SEC14L4: variants seen among roughly 807,000 people sequenced by gnomAD.
SEC14L4 encodes SEC14 like lipid binding 4, also known as SEC14-like protein 4.
SEC14L4 carries 42 observed loss-of-function variants against 55.1 expected under a neutral mutation model. The observed-to-expected ratio is 0.76, with a 90% confidence interval of 0.60 to 0.99. The LOEUF (loss-of-function observed/expected upper bound fraction) is 0.99, where lower values mean the gene tolerates loss of function less well. SEC14L4 is among the 50% of genes least tolerant of loss of function. SEC14L4 has a pLI of 0.00. For synonymous variants in SEC14L4, 206 were observed against 206.8 expected (o/e 1.00, Z 0.03); for missense variants, 445 against 512.1 (o/e 0.87, Z 1.27).
chr22:30,502,509 G>A (rs940191348), intron 2 of SEC14L4, among the ~76,000 whole-genome samples: 1 of 152,186 alleles, frequency 6.6e-6, no homozygotes, highest in Non-Finnish European at 1.5e-5. Flanking sequence ...TCCATGAGGT[G>A]TAATGAGTTA....
chr22:30,491,364 G>T lies in SEC14L4; in HGVS notation c.1081+209C>A. 4 of 617,060 alleles carry T rather than the reference G, an allele frequency of 6.5e-6. No homozygotes were observed. The South Asian group carries it at 8.1e-5, about 13-fold the overall frequency. The allele number at this position is 617,060 out of a possible 1,614,324, so 38.2% of individuals were successfully genotyped here. A position where few individuals can be genotyped will look rare whatever the true frequency, so the allele number is the denominator to read the frequency against. The stretch of plus-strand genomic sequence containing the variant: ...GGGCTTCTTAGGAGCTGAGCCCAAG[G>T]CCCTAGGTTCTGAATACCAGCTCTT... On this transcript the variant is annotated intron_variant, in intron 11 of 11. Transcript: ENST00000255858.
chr22:30,495,369 A>G lies in SEC14L4; in HGVS notation c.308T>C (p.Ile103Thr), dbSNP rs577477910. 28 of 1,614,072 alleles carry G rather than the reference A, an allele frequency of 1.7e-5. No individual in the cohort carries two copies. The highest frequency in any genetic ancestry group is 5.5e-5 in the South Asian group (5 of 91,070). The part of the protein sequence containing the change: ...YEGCPVYFNI[I>T]GSLDPKGLLL... ...GAGACCCTTGGGGTCGAGGGACCCA[A>G]TGATGTTGAAGTACACAGGGCAGCC... is the stretch of plus-strand genomic sequence containing the variant. Residue 103 changes from isoleucine to threonine, a missense_variant, in exon 5 of 12, where the codon ATT (isoleucine) becomes ACT (threonine). By Grantham distance (89) the Ile-to-Thr change is moderately conservative. Transcript: ENST00000255858.
intron 2 of SEC14L4, among the ~76,000 whole-genome samples, chr22:30,501,159 G>A (rs918455172): frequency 1.3e-5 from 2 of 152,216 alleles, no homozygotes; most frequent in Non-Finnish European, 2.9e-5. Flanking sequence ...AGCCTCAGCA[G>A]TAGCCCTCCC....
chr22:30,492,293 CT>C, intron 8 of SEC14L4, 138 bp from the exon 9 acceptor site: 1 of 1,221,086 alleles, frequency 8.2e-7, no homozygotes. Context: ...TACCCAAGAC[CT>C]TTATGTGGCT....
In SEC14L4 at chr22:30,494,200, A is replaced by C. The variant is rs150573219; in HGVS notation, c.530T>G (p.Ile177Ser). The change falls in exon 7 of 12, where the codon ATC becomes AGC. Residue 177 changes from isoleucine to serine, a missense_variant. By Grantham distance (142) the Ile-to-Ser change is moderately radical. Coordinates refer to ENST00000255858, the MANE Select transcript of SEC14L4 (RefSeq NM_174977.4). The part of the protein sequence containing the change: ...AVEVYQQFFS[I>S]LEANYPETLK... ...GGTCTCAGGATAATTTGCTTCCAGG[A>C]TGCTAAAAAACTGTGGAGTCAAGAT... The C allele has an allele frequency of 1.9e-6, 3 of 1,613,630 alleles. No homozygotes were observed. The highest frequency in any genetic ancestry group is 2.5e-6 in the Non-Finnish European group (3 of 1,179,592).
Position 30,492,471 on chromosome 22 carries a change from C to A in SEC14L4, c.664+3G>T. ...GACACAACCAGGGGGCCACGTCGCT[C>A]ACCTCCCAGAATCACAATCTTCCTG... On this transcript the variant is annotated splice_donor_region_variant and intron_variant, in intron 8 of 11. Coordinates refer to ENST00000255858, the MANE Select transcript of SEC14L4 (RefSeq NM_174977.4). The A allele has an allele frequency of 6.2e-7, 1 of 1,613,106 alleles. No individual in the cohort carries two copies. The highest frequency in any genetic ancestry group is 8.5e-7 in the Non-Finnish European group (1 of 1,179,076).
chr22:30,500,113 G>A (rs992923280), intron 2 of SEC14L4, among the ~76,000 whole-genome samples: 2 of 151,950 alleles, frequency 1.3e-5, no homozygotes, highest in African/African-American at 4.8e-5. Flanking sequence ...CAGGTGATCC[G>A]CCCACCTCGG....
chr22:30,503,008 C>A (rs1482102015), intron 2 of SEC14L4, among the ~76,000 whole-genome samples: 1 of 152,238 alleles, frequency 6.6e-6, no homozygotes, highest in Non-Finnish European at 1.5e-5. Context: ...CCTCGGGGAA[C>A]TGGAGGTACA....
intron 7 of SEC14L4, 56 bp from the exon 8 acceptor site, chr22:30,492,613 G>T: frequency 7.3e-7 from 1 of 1,372,934 alleles, no homozygotes; most frequent in Non-Finnish European, 1.0e-6. Flanking sequence ...TGGGGATACA[G>T]AGCCACAGCC....
chr22:30,504,613 C>T (rs903569854), intron 1 of SEC14L4, among the ~76,000 whole-genome samples: 4 of 152,112 alleles, frequency 2.6e-5, no homozygotes, highest in South Asian at 2.1e-4. Flanking sequence ...ACTCAGCCAG[C>T]GTGGACTGCC....
intron 1 of SEC14L4, among the ~76,000 whole-genome samples, chr22:30,504,374 G>A (rs1410516747): frequency 6.6e-6 from 1 of 152,166 alleles, no homozygotes; most frequent in Non-Finnish European, 1.5e-5. Flanking sequence ...ATTTCTACAA[G>A]GATCCCTGGG....
chr22:30,490,393 G>T, intron 11 of SEC14L4, 147 bp from the exon 12 acceptor site: 1 of 1,321,172 alleles, frequency 7.6e-7, no homozygotes, highest in Non-Finnish European at 1.0e-6. Flanking sequence ...GAAATGAGCT[G>T]TCCAGGACAG....
intron 7 of SEC14L4, chr22:30,492,838 C>T (rs1936008972): frequency 2.8e-6 from 1 of 360,148 alleles, no homozygotes; most frequent in Non-Finnish European, 5.3e-6. Context: ...AATCCCAGCA[C>T]TTTGGGAGGC....
chr22:30,493,651 A>G (rs1028251714), intron 7 of SEC14L4, among the ~76,000 whole-genome samples: 2 of 152,192 alleles, frequency 1.3e-5, no homozygotes, highest in Non-Finnish European at 2.9e-5. Context: ...GCTGAAACAT[A>G]CCAGTGCATG....
intron 1 of SEC14L4, among the ~76,000 whole-genome samples, chr22:30,504,304 C>T (rs1489620273): frequency 2.0e-5 from 3 of 149,496 alleles, no homozygotes; most frequent in African/African-American, 7.4e-5. Flanking sequence ...ATCCACCCGC[C>T]TTAGTATCCC....
At position 30,492,004 on chromosome 22, in the gene SEC14L4, A is replaced by G. The variant is rs182512068; in HGVS notation, c.772-31T>C. Reference sequence around the variant, plus strand: ...GGTGAAGGGGGTGTGTGGGCACTAGATCACAGCTTCTCCCCTCCTTCCCCA... The same window carrying G: ...GGTGAAGGGGGTGTGTGGGCACTAGGTCACAGCTTCTCCCCTCCTTCCCCA... On this transcript the variant is annotated intron_variant, in intron 9 of 11. Coordinates refer to ENST00000255858, the MANE Select transcript of SEC14L4 (RefSeq NM_174977.4). 10,534 of 1,612,416 alleles carry G rather than the reference A, an allele frequency of 6.5e-3. 81 individuals carry two copies. The highest frequency in any genetic ancestry group is 0.017 in the Middle Eastern group (100 of 6,002).
At chr22:30,493,817 A>C (rs1936046604) in intron 7 of SEC14L4, among the ~76,000 whole-genome samples, 1 of 152,154 alleles carries the variant, frequency 6.6e-6, no homozygotes, top group Non-Finnish European at 1.5e-5. Flanking sequence ...CAGCCTGGCC[A>C]ACATAGGGAA....
Position 30,492,613 on chromosome 22 carries a change from G to A in SEC14L4, c.581-56C>T, listed in dbSNP as rs73392181. 241 of 1,372,934 alleles carry A rather than the reference G, an allele frequency of 1.8e-4. 1 individual carries two copies. The African/African-American group carries it at 3.1e-3, about 18-fold the overall frequency. The allele number at this position is 1,372,934 out of a possible 1,614,324, so 85.0% of individuals were successfully genotyped here. On this transcript the variant is annotated intron_variant, in intron 7 of 11. Transcript: ENST00000255858. ...GGACCAGAAAGGACGTGGGGATACA[G>A]AGCCACAGCCAAGAGCAGGTGCTGG... is the stretch of plus-strand genomic sequence containing the variant.
chr22:30,495,145 C>T, intron 5 of SEC14L4, 109 bp downstream of exon 5: 4 of 1,182,720 alleles, frequency 3.4e-6, no homozygotes, highest in Non-Finnish European at 4.7e-6. Context: ...GCCCACATTC[C>T]ACCAGAGCCC....
Sources: allele counts gnomAD v4.1 joint callset (sites outside exome capture counted in the v4.1 genomes callset), GRCh38; gene constraint gnomAD v4.1.1; transcripts MANE v1.5; gene names NCBI Gene and HGNC (gene_info 2026-07-23, HGNC 2026-07-21).